Variants in DOCK1 observed in about 807,000 individuals in gnomAD.
DOCK1 encodes dedicator of cytokinesis 1, also known as dedicator of cytokinesis protein 1.
In DOCK1, 138 loss-of-function variants were observed where a neutral mutation model predicts 262.7. The observed-to-expected ratio is 0.53, with a 90% CI of 0.46 to 0.61. The LOEUF is 0.61. DOCK1 is among the 20% of genes least tolerant of loss of function. The pLI is 0.00. For synonymous variants in DOCK1, 866 were observed against 867.4 expected (o/e 1.00, Z 0.03); for missense variants, 1,908 against 2,370.7 (o/e 0.80, Z 4.05).
intron 27 of DOCK1, among the ~76,000 whole-genome samples, chr10:127,246,961 C>T (rs2134768689): frequency 6.6e-6 from 1 of 152,186 alleles, no homozygotes; most frequent in South Asian, 2.1e-4. Context: ...AAATATATAT[C>T]CTGTGTTTCT....
chr10:127,378,895 C>A (rs1448046153), intron 35 of DOCK1, among the ~76,000 whole-genome samples: 1 of 152,336 alleles, frequency 6.6e-6, no homozygotes. Context: ...ACTTGAAAAT[C>A]TTGGTGCATT....
chr10:127,127,163 A>G (rs991372780), intron 26 of DOCK1, among the ~76,000 whole-genome samples: 4 of 152,214 alleles, frequency 2.6e-5, no homozygotes, highest in African/African-American at 7.2e-5. Context: ...AGAATCAACA[A>G]TCGCATCCCA....
Position 127,012,106 on chromosome 10 carries a change from C to T in DOCK1, c.1059-126C>T, listed in dbSNP as rs768921113. The T allele has an allele frequency of 3.6e-5, 23 of 633,758 alleles. No homozygotes were observed. The highest frequency in any genetic ancestry group is 4.3e-4 in the Middle Eastern group (1 of 2,340). 39.3% of individuals were successfully genotyped at this position (633,758 alleles called of 1,614,324 possible). On this transcript the variant is annotated intron_variant, in intron 11 of 51. Transcript: ENST00000623213. The surrounding 1 kb of genome is among the most constrained non-coding windows in gnomAD (Gnocchi z 4.0). ...GTCACCTCTCCCATCCTTTGTCGTGCGTTGACTCATGATGCCTCCCTCTCG... is the reference window on the plus strand; with the variant it reads ...GTCACCTCTCCCATCCTTTGTCGTGTGTTGACTCATGATGCCTCCCTCTCG...
chr10:127,199,771 A>G (rs2057371662), intron 27 of DOCK1, among the ~76,000 whole-genome samples: 2 of 152,186 alleles, frequency 1.3e-5, no homozygotes, highest in South Asian at 2.1e-4. Flanking sequence ...TTTTCCACCT[A>G]TATAGAAATT....
At chr10:127,075,565 G>A (rs2046477081) in intron 23 of DOCK1, among the ~76,000 whole-genome samples, 1 of 152,176 alleles carries the variant, frequency 6.6e-6, no homozygotes. Flanking sequence ...AGTTCCACAG[G>A]TTTAACGGAA....
chr10:127,301,712 G>A (rs1007002955), intron 29 of DOCK1, among the ~76,000 whole-genome samples: 4 of 152,108 alleles, frequency 2.6e-5, no homozygotes, highest in African/African-American at 4.8e-5. Flanking sequence ...TTGAGAGGCC[G>A]AGGAGGGCAG....
intron 22 of DOCK1, among the ~76,000 whole-genome samples, chr10:127,054,671 T>G (rs1056662776): frequency 1.3e-5 from 2 of 152,214 alleles, no homozygotes; most frequent in South Asian, 2.1e-4. Flanking sequence ...ATTTTAAATC[T>G]CTGATTATGC....
rs2055065664 is a variant in DOCK1, at chr10:127,175,849, T to C, written c.2847+48085T>C. The C allele has an allele frequency of 6.2e-7, 1 of 1,614,014 alleles. No homozygotes were observed. The highest frequency in any genetic ancestry group is 8.5e-7 in the Non-Finnish European group (1 of 1,180,018). On this transcript the variant is annotated intron_variant, in intron 27 of 51. Coordinates refer to ENST00000623213, the MANE Select transcript of DOCK1 (RefSeq NM_001290223.2). This position sits in a 1 kb window ranked among gnomAD's most constrained non-coding sequence, Gnocchi z 6.3. ...TTGACCCCCAAAGGCTGGTCCACTGTGTTCATGTGTTGGTTGGAATGGAAA... is the reference window on the plus strand; with the variant it reads ...TTGACCCCCAAAGGCTGGTCCACTGCGTTCATGTGTTGGTTGGAATGGAAA...
chr10:127,183,994 C>T (rs56177306), intron 27 of DOCK1, among the ~76,000 whole-genome samples: 14,221 of 152,076 alleles, frequency 0.094, 1,937 homozygotes, highest in African/African-American at 0.3. Context: ...CTAATGTCTT[C>T]GAAGGTTTAT....
Position 127,141,628 on chromosome 10 carries a change from G to A in DOCK1, c.2847+13864G>A, listed in dbSNP as rs2051256421. Among the ~76,000 whole-genome samples, 2 of 151,814 alleles carry A rather than the reference G, an allele frequency of 1.3e-5. 1 individual carries two copies. The highest frequency in any genetic ancestry group is 2.9e-5 in the Non-Finnish European group (2 of 67,998). On this transcript the variant is annotated intron_variant, in intron 27 of 51. Transcript: ENST00000623213. ...GGAGGTTGCAGTGAGTTGAGATCGT[G>A]CCACTGCACTCCACCCTGGGTGACA... is the stretch of plus-strand genomic sequence containing the variant.
At chr10:127,388,641 C>T (rs571642338) in intron 38 of DOCK1, among the ~76,000 whole-genome samples, 105 of 152,330 alleles carry the variant, frequency 6.9e-4, no homozygotes, top group Middle Eastern at 3.4e-3. Context: ...CCGAATCCTC[C>T]TTTTGGCTCG....
intron 30 of DOCK1, 90 bp from the exon 31 acceptor site, chr10:127,343,556 G>A: frequency 9.5e-7 from 1 of 1,050,830 alleles, no homozygotes; most frequent in African/African-American, 1.6e-5. Flanking sequence ...AGAAGTGTGT[G>A]CTGAGCAAAT....
intron 29 of DOCK1, among the ~76,000 whole-genome samples, chr10:127,278,296 G>C (rs1336956820): frequency 7.1e-5 from 8 of 113,264 alleles, no homozygotes; most frequent in East Asian, 4.9e-4. Flanking sequence ...CCAAGAGACC[G>C]TTAGCATGCG....
intron 27 of DOCK1, among the ~76,000 whole-genome samples, chr10:127,174,618 T>C (rs1198164639): frequency 6.6e-6 from 1 of 152,224 alleles, no homozygotes; most frequent in East Asian, 1.9e-4. Flanking sequence ...TGTCTCCTAA[T>C]CATATACAGT....
intron 29 of DOCK1, among the ~76,000 whole-genome samples, chr10:127,269,958 A>C (rs1183797789): frequency 6.6e-6 from 1 of 152,352 alleles, no homozygotes; most frequent in Admixed American, 6.5e-5. Flanking sequence ...AGTTTTGGTA[A>C]CAGTAAGTGG....
intron 29 of DOCK1, among the ~76,000 whole-genome samples, chr10:127,263,940 G>A (rs561948947): frequency 3.9e-5 from 6 of 152,270 alleles, no homozygotes; most frequent in Non-Finnish European, 5.9e-5. Flanking sequence ...GAATGACCTG[G>A]TAGGAAGTGA....
chr10:127,079,660 G>A (rs2046784822), intron 23 of DOCK1, among the ~76,000 whole-genome samples: 1 of 152,136 alleles, frequency 6.6e-6, no homozygotes, highest in Non-Finnish European at 1.5e-5. Context: ...GCAGGGTGAG[G>A]TGGCTCATGC....
intron 47 of DOCK1, among the ~76,000 whole-genome samples, chr10:127,427,481 T>A (rs1399412618): frequency 6.6e-6 from 1 of 152,200 alleles, no homozygotes; most frequent in Non-Finnish European, 1.5e-5. Flanking sequence ...GCTGTATAGA[T>A]ACTCAGTTGC....
At chr10:127,413,782 G>C (rs1406171331) in intron 43 of DOCK1, among the ~76,000 whole-genome samples, 1 of 152,238 alleles carries the variant, frequency 6.6e-6, no homozygotes, top group Non-Finnish European at 1.5e-5. Flanking sequence ...TCCCCATGGG[G>C]CAAAGAGGAC....
Sources: gnomAD v4.1 joint callset for allele counts (sites outside exome capture counted in the v4.1 genomes callset) on GRCh38, gnomAD v4.1.1 for gene constraint, Gnocchi (gnomAD v3.1) non-coding constraint, MANE v1.5 for transcripts, NCBI Gene and HGNC (gene_info 2026-07-23, HGNC 2026-07-21) for gene names.